MDN1: variants seen among roughly 807,000 people sequenced by gnomAD.
MDN1 encodes midasin.
Under a neutral mutation model 669.2 loss-of-function variants are expected in MDN1, and 266 were observed. That is an observed-to-expected ratio of 0.40 (90% CI 0.36 to 0.44). The LOEUF (loss-of-function observed/expected upper bound fraction) is 0.44, where lower values mean the gene tolerates loss of function less well. Ranked by LOEUF, MDN1 falls within the 20% of genes least tolerant of loss-of-function variation. The probability of loss-of-function intolerance (pLI) is 1.00; values close to 1 mark genes in which losing one functional copy is unlikely to be tolerated. For synonymous variants in MDN1, 2,385 were observed against 2,457.1 expected (o/e 0.97, Z 0.87); for missense variants, 5,940 against 6,754.0 (o/e 0.88, Z 4.22).
At chr6:89,751,207 G>C (rs995926366) in intron 23 of MDN1, among the ~76,000 whole-genome samples, 2 of 152,110 alleles carry the variant, frequency 1.3e-5, no homozygotes, top group African/African-American at 2.4e-5. Flanking sequence ...TAACTTTAAA[G>C]ATAGATAAAA....
rs1816943847 is a variant in MDN1 at position 89,751,421 on chromosome 6, G to A, written c.3227+10C>T. ...TCAAGTTCGGGGCAGCGAGAAAAAA[G>A]CCCACACACCCTGCAGAGACAACTC... On this transcript the variant is annotated intron_variant, in intron 23 of 101. Coordinates refer to ENST00000369393, the MANE Select transcript of MDN1 (RefSeq NM_014611.3). 1.2e-6 allele frequency: 2 copies of A among 1,614,002 alleles called. No homozygotes were observed. Among genetic ancestry groups the A allele is most frequent in the East Asian group, 4.5e-5 (2 of 44,862 alleles).
intron 20 of MDN1, 40 bp from the exon 21 acceptor site, chr6:89,754,270 T>C: frequency 6.3e-7 from 1 of 1,595,038 alleles, no homozygotes; most frequent in Non-Finnish European, 8.6e-7. Flanking sequence ...TATTTACTAA[T>C]AAGTATCCAG....
chr6:89,755,764 T>C (rs1473873576), intron 20 of MDN1, among the ~76,000 whole-genome samples: 1 of 152,200 alleles, frequency 6.6e-6, no homozygotes, highest in African/African-American at 2.4e-5. Flanking sequence ...AGATTGCATG[T>C]TGTCCATATG....
At position 89,650,135 on chromosome 6, in the gene MDN1, T is replaced by A; in HGVS notation, c.16095A>T (p.Gln5365His). The change falls in exon 97 of 102, where the codon CAA becomes CAT. Residue 5365 changes from glutamine (Q) to histidine (H), a missense_variant. This residue lies in a region of MDN1 where 2,280 missense variants were observed against 2,576.3 expected (regional missense o/e 0.88). Transcript: ENST00000369393. ...GAAGCCAAATCTTGTCTTTCCGAAATTGACTAGCAATGTATGGAATGACTT... is the reference window on the plus strand; with the variant it reads ...GAAGCCAAATCTTGTCTTTCCGAAAATGACTAGCAATGTATGGAATGACTT... ...IRKVIPYIAS[Q>H]FRKDKIWLRR... is the part of the protein sequence containing the mutation. 6.2e-7 allele frequency: 1 copy of A among 1,614,164 alleles called. No individual in the cohort carries two copies. Among genetic ancestry groups the A allele is most frequent in the South Asian group, 1.1e-5 (1 of 91,086 alleles).
At chr6:89,790,434 G>C in intron 5 of MDN1, 33 bp from the exon 6 acceptor site, 1 of 1,612,800 alleles carries the variant, frequency 6.2e-7, no homozygotes, top group Non-Finnish European at 8.5e-7. Flanking sequence ...ATGTCAAGAA[G>C]AGTTCTTCCC....
chr6:89,810,006 A>ATAAT (rs1562242779), intron 1 of MDN1, among the ~76,000 whole-genome samples: 3 of 143,806 alleles, frequency 2.1e-5, no homozygotes, highest in East Asian at 2.0e-4. Flanking sequence ...AAAAAAAAAA[A>ATAAT]AAAAAAAAAA....
At chr6:89,725,460 G>A (rs575475196) in intron 37 of MDN1, 64 bp from the exon 38 acceptor site, 1 of 1,337,252 alleles carries the variant, frequency 7.5e-7, no homozygotes, top group African/African-American at 1.5e-5. Flanking sequence ...CAAAAAGCAG[G>A]GGAATAATAT....
chr6:89,756,452 A>G, intron 19 of MDN1, 62 bp from the exon 20 acceptor site: 1 of 761,662 alleles, frequency 1.3e-6, no homozygotes, highest in Non-Finnish European at 2.1e-6. Flanking sequence ...TGACAATAGA[A>G]AAACATGAAA....
At chr6:89,813,748 T>C (rs1768614010) in intron 1 of MDN1, among the ~76,000 whole-genome samples, 1 of 151,646 alleles carries the variant, frequency 6.6e-6, no homozygotes, top group African/African-American at 2.4e-5. Flanking sequence ...CATTAAAGCA[T>C]CATCACTCTC....
chr6:89,731,919 C>A (rs1303338415), intron 34 of MDN1, among the ~76,000 whole-genome samples: 1 of 143,326 alleles, frequency 7.0e-6, no homozygotes, highest in Admixed American at 7.4e-5. Context: ...AAAAAAAAAA[C>A]TAACTTTCTA....
intron 83 of MDN1, among the ~76,000 whole-genome samples, chr6:89,668,611 G>A (rs550963397): frequency 2.6e-5 from 4 of 152,294 alleles, no homozygotes; most frequent in Non-Finnish European, 5.9e-5. Context: ...AAAAGAAAAA[G>A]TAGTAGTGAC....
intron 34 of MDN1, 90 bp downstream of exon 34, chr6:89,732,467 A>G: frequency 9.1e-7 from 1 of 1,093,994 alleles, no homozygotes; most frequent in Non-Finnish European, 1.3e-6. Flanking sequence ...GTGATTCAGT[A>G]AAATAGCTGG....
intron 92 of MDN1, 110 bp downstream of exon 92, chr6:89,655,654 C>G: frequency 9.5e-7 from 1 of 1,048,432 alleles, no homozygotes. Flanking sequence ...ATACATGTAT[C>G]AAAACCTCAC....
chr6:89,733,877 T>C (rs1414162050), intron 33 of MDN1, among the ~76,000 whole-genome samples: 1 of 151,978 alleles, frequency 6.6e-6, no homozygotes, highest in Non-Finnish European at 1.5e-5. Flanking sequence ...GGTTCACATA[T>C]GTATTTTTAA....
At chr6:89,753,413 T>A in intron 22 of MDN1, 99 bp downstream of exon 22, 1 of 893,452 alleles carries the variant, frequency 1.1e-6, no homozygotes, top group Admixed American at 2.4e-5. Flanking sequence ...ATTACCTTTA[T>A]AATTAAAAAG....
At chr6:89,655,585 A>G (rs1421100537) in intron 92 of MDN1, among the ~76,000 whole-genome samples, 179 bp downstream of exon 92, 3 of 152,182 alleles carry the variant, frequency 2.0e-5, no homozygotes, top group African/African-American at 4.8e-5. Flanking sequence ...CTCCCCTGAT[A>G]TAAGTGTATA....
intron 57 of MDN1, 79 bp from the exon 58 acceptor site, chr6:89,699,806 T>C: frequency 6.8e-7 from 1 of 1,460,792 alleles, no homozygotes; most frequent in East Asian, 2.3e-5. Flanking sequence ...TTAGGGAAGG[T>C]GTAACATAAA....
intron 12 of MDN1, 22 bp from the exon 13 acceptor site, chr6:89,774,755 C>T (rs1818271233): frequency 6.5e-7 from 1 of 1,536,218 alleles, no homozygotes. Flanking sequence ...AAGATTTTAC[C>T]TGAGTAAAAA....
In MDN1 at chr6:89,819,567, C is replaced by G. The variant is rs1769117478; in HGVS notation, c.41G>C (p.Arg14Pro). Residue 14 changes from arginine to proline, a missense_variant, in exon 1 of 102, where the codon CGG (arginine) becomes CCG (proline). By Grantham distance (103) the Arg-to-Pro change is moderately radical (BLOSUM62 -2). Coordinates refer to ENST00000369393, the MANE Select transcript of MDN1 (RefSeq NM_014611.3). ...FLLEVAAAPL[R>P]LIAAKNEKSR... ...CTTCTCGTTCTTGGCTGCGATTAAC[C>G]GCAGCGGCGCGGCTGCCACCTCCAG... The G allele has an allele frequency of 1.2e-6, 2 of 1,603,568 alleles. No individual in the cohort carries two copies. The highest frequency in any genetic ancestry group is 1.7e-5 in the Admixed American group (1 of 60,012).
Sources: allele counts gnomAD v4.1 joint callset (sites outside exome capture counted in the v4.1 genomes callset), GRCh38; gene constraint gnomAD v4.1.1; regional missense constraint gnomAD v4.1.1; transcripts MANE v1.5; gene names NCBI Gene and HGNC (gene_info 2026-07-23, HGNC 2026-07-21).